The following RERE variants were observed in gnomAD, a reference collection of about 807,000 sequenced individuals.
The protein encoded by RERE is arginine-glutamic acid dipeptide repeats protein.
RERE carries 40 observed loss-of-function variants against 146.1 expected under a neutral mutation model. That is an observed-to-expected ratio of 0.27 (90% CI 0.21 to 0.36). RERE has a LOEUF of 0.36. Ranked by LOEUF, RERE falls within the 10% of genes least tolerant of loss-of-function variation. The probability of loss-of-function intolerance (pLI) is 1.00; values close to 1 mark genes in which losing one functional copy is unlikely to be tolerated. For synonymous variants in RERE, 1,003 were observed against 866.0 expected (o/e 1.16, Z -2.78); for missense variants, 1,933 against 2,138.7 (o/e 0.90, Z 1.90).
At chr1:8,373,741 T>G (rs1296453207) in intron 12 of RERE, among the ~76,000 whole-genome samples, 1 of 152,214 alleles carries the variant, frequency 6.6e-6, no homozygotes, top group Non-Finnish European at 1.5e-5. Flanking sequence ...GAGTCATTCT[T>G]TCCTTTCCCT....
At chr1:8,633,277 G>T (rs1401293466) in intron 2 of RERE, among the ~76,000 whole-genome samples, 1 of 152,150 alleles carries the variant, frequency 6.6e-6, no homozygotes, top group Non-Finnish European at 1.5e-5. Flanking sequence ...TTTTTAAATA[G>T]CTGGGCACGG....
At chr1:8,758,939 C>T (rs1319894062) in intron 1 of RERE, among the ~76,000 whole-genome samples, 13 of 151,704 alleles carry the variant, frequency 8.6e-5, no homozygotes, top group Admixed American at 8.5e-4. Flanking sequence ...ATGGTATACA[C>T]AATAAATGTG....
intron 19 of RERE, among the ~76,000 whole-genome samples, chr1:8,359,432 T>C (rs1641457954): frequency 6.6e-6 from 1 of 152,172 alleles, no homozygotes; most frequent in Admixed American, 6.5e-5. Context: ...GGCGCCCCCT[T>C]GTGCTTCTCC....
intron 12 of RERE, among the ~76,000 whole-genome samples, chr1:8,378,977 A>G (rs1642355372): frequency 6.6e-6 from 1 of 152,192 alleles, no homozygotes; most frequent in Non-Finnish European, 1.5e-5. Context: ...ATAATTTTCT[A>G]CTTTAAGTGG....
At chr1:8,786,769 T>C (rs1641266961) in intron 1 of RERE, 3 of 783,980 alleles carry the variant, frequency 3.8e-6, no homozygotes, top group Non-Finnish European at 6.9e-6. Flanking sequence ...TTCCTTGTGA[T>C]AGCACTATGC....
chr1:8,670,286 C>T (rs1207978207), intron 1 of RERE, among the ~76,000 whole-genome samples: 1 of 152,194 alleles, frequency 6.6e-6, no homozygotes, highest in Admixed American at 6.5e-5. Context: ...GAACATAACA[C>T]TTAAATGTAG....
At chr1:8,776,353 G>A (rs1372062263) in intron 1 of RERE, among the ~76,000 whole-genome samples, 1 of 151,980 alleles carries the variant, frequency 6.6e-6, no homozygotes, top group Non-Finnish European at 1.5e-5. Flanking sequence ...GCTGGAGTAT[G>A]GTGGTGTGAT....
intron 9 of RERE, 33 bp from the exon 10 acceptor site, chr1:8,495,195 C>T: frequency 2.1e-6 from 3 of 1,459,622 alleles, no homozygotes; most frequent in African/African-American, 1.4e-5. Context: ...TTTATTAGTA[C>T]ATAGTAATAT....
intron 20 of RERE, among the ~76,000 whole-genome samples, chr1:8,357,437 C>A (rs1570017660): frequency 1.3e-5 from 2 of 152,344 alleles, no homozygotes; most frequent in South Asian, 2.1e-4. Context: ...TCCCTCTGGG[C>A]CCTGCTCTAT....
At chr1:8,807,980 T>C (rs1295038360) in intron 1 of RERE, among the ~76,000 whole-genome samples, 1 of 152,042 alleles carries the variant, frequency 6.6e-6, no homozygotes, top group Non-Finnish European at 1.5e-5. Flanking sequence ...GTTCTACTTA[T>C]ATAAATCTCC....
At chr1:8,699,113 A>G (rs1282351539) in intron 1 of RERE, among the ~76,000 whole-genome samples, 1 of 152,170 alleles carries the variant, frequency 6.6e-6, no homozygotes, top group Non-Finnish European at 1.5e-5. Context: ...TCTTTTTTGT[A>G]TCTTCAGCAA....
rs538421884 is a variant in RERE at position 8,451,252 on chromosome 1, G to A, written c.1203+14673C>T. Among the ~76,000 whole-genome samples, 6 of 152,244 alleles carry A rather than the reference G, an allele frequency of 3.9e-5. No homozygotes were observed. The East Asian group carries it at 7.7e-4, about 20-fold the overall frequency. On this transcript the variant is annotated intron_variant, in intron 11 of 22. Coordinates refer to ENST00000400908, the MANE Select transcript of RERE (RefSeq NM_001042681.2). ...TGGAGACTAGCCTGGCCAACATGGC[G>A]AAACCCCGTCTCTACTAAAAATACA...
chr1:8,486,051 G>A (rs1644894622), intron 10 of RERE, among the ~76,000 whole-genome samples: 1 of 152,056 alleles, frequency 6.6e-6, no homozygotes, highest in Non-Finnish European at 1.5e-5. Context: ...GCCCACCTCG[G>A]CCTCCCAAAG....
intron 7 of RERE, among the ~76,000 whole-genome samples, chr1:8,532,094 CTA>C (rs1645661587): frequency 6.6e-6 from 1 of 152,152 alleles, no homozygotes; most frequent in South Asian, 2.1e-4. Context: ...AGATGATTGT[CTA>C]TGTTTTCTTC....
chr1:8,682,282 C>T (rs1198231872), intron 1 of RERE, among the ~76,000 whole-genome samples: 1 of 152,210 alleles, frequency 6.6e-6, no homozygotes, highest in Non-Finnish European at 1.5e-5. Flanking sequence ...ATAATTTCAA[C>T]TAAATCCTAT....
rs573135224 is a variant in RERE at position 8,516,227 on chromosome 1, G to GGAAAAAAAAAAAAA, written c.831-7553_831-7552insTTTTTTTTTTTTTC. Among the ~76,000 whole-genome samples, 52 of 52,308 alleles carry GGAAAAAAAAAAAAA rather than the reference G, an allele frequency of 9.9e-4. 10 individuals are homozygous for GGAAAAAAAAAAAAA. Among genetic ancestry groups the GGAAAAAAAAAAAAA allele is most frequent in the African/African-American group, 4.3e-3 (50 of 11,628 alleles). 34.3% of individuals were successfully genotyped at this position (52,308 alleles called of 152,430 possible). A position where few individuals can be genotyped will look rare whatever the true frequency, so the allele number is the denominator to read the frequency against. ...GGGACGGAGCAAGACTCTCTCAGAG[G>GGAAAAAAAAAAAAA]AAAAAAAAAAAAAAAAAAAAAATCT... On this transcript the variant is annotated intron_variant, in intron 7 of 22. Transcript: ENST00000400908.
chr1:8,608,802 T>A (rs1485318404), intron 4 of RERE, among the ~76,000 whole-genome samples: 1 of 152,208 alleles, frequency 6.6e-6, no homozygotes, highest in Non-Finnish European at 1.5e-5. Context: ...TAAGAATAAA[T>A]TGACTGGGCA....
chr1:8,372,543 T>TGTGTGTGTGTGTGTGTGTGTGTGTGTG lies in RERE; in HGVS notation c.1285-6570_1285-6569insCACACACACACACACACACACACACAC, dbSNP rs6143112. Reference sequence around the variant, plus strand: ...GTGTGTGTGTGTGTGTGTGTGTGTGTTTTAAATTAAGCCAAAGAAGGACTC... The same window carrying TGTGTGTGTGTGTGTGTGTGTGTGTGTG: ...GTGTGTGTGTGTGTGTGTGTGTGTGTGTGTGTGTGTGTGTGTGTGTGTGTGTGTTTAAATTAAGCCAAAGAAGGACTC... On this transcript the variant is annotated intron_variant, in intron 12 of 22. Coordinates refer to ENST00000400908, the MANE Select transcript of RERE (RefSeq NM_001042681.2). Among the ~76,000 whole-genome samples the TGTGTGTGTGTGTGTGTGTGTGTGTGTG allele has an allele frequency of 1.5e-4, 23 of 150,708 alleles. No homozygotes were observed. In the East Asian group the frequency reaches 1.8e-3, roughly 12 times the overall value.
At position 8,423,816 on chromosome 1, in the gene RERE, G is replaced by T. The variant is rs1027060154; in HGVS notation, c.1204-1009C>A. The T allele has an allele frequency of 1.9e-6, 1 of 529,054 alleles. No individual in the cohort carries two copies. Among genetic ancestry groups the T allele is most frequent in the Non-Finnish European group, 2.4e-6 (1 of 415,642 alleles). 32.8% of individuals were successfully genotyped at this position (529,054 alleles called of 1,614,324 possible). ...GGCGCGCAGAGCCCGGCGCGGCCGC[G>T]GGCGGCTGCAAAAGGCGGCCTGGAT... On this transcript the variant is annotated intron_variant, in intron 11 of 22. Transcript: ENST00000400908. The surrounding 1 kb of genome is among the most constrained non-coding windows in gnomAD (Gnocchi z 5.4).
Sources: allele counts gnomAD v4.1 joint callset (sites outside exome capture counted in the v4.1 genomes callset), GRCh38; gene constraint gnomAD v4.1.1; non-coding constraint Gnocchi (gnomAD v3.1); transcripts MANE v1.5; gene names NCBI Gene and HGNC (gene_info 2026-07-23, HGNC 2026-07-21).